Variants in LEPR observed in about 807,000 individuals in gnomAD.
The protein encoded by LEPR is leptin receptor.
In LEPR, 56 loss-of-function variants were observed where a neutral mutation model predicts 114.7. The ratio of observed to expected loss-of-function variants is 0.49; its 90% CI spans 0.39 to 0.61. LEPR has a LOEUF of 0.61. Ranked by LOEUF, LEPR falls within the 20% of genes least tolerant of loss-of-function variation. The pLI, the probability that LEPR is intolerant of heterozygous loss-of-function variation, is 0.00. For synonymous variants in LEPR, 443 were observed against 461.4 expected (o/e 0.96, Z 0.51); for missense variants, 1,202 against 1,352.9 (o/e 0.89, Z 1.75).
At chr1:65,572,253 T>C in intron 4 of LEPR, 73 bp from the exon 5 acceptor site, 1 of 1,450,988 alleles carries the variant, frequency 6.9e-7, no homozygotes, top group Non-Finnish European at 9.1e-7. Flanking sequence ...TCTCTTTCAC[T>C]GAGTTGTTCA....
chr1:65,569,788 T>C (rs960996621), intron 3 of LEPR, among the ~76,000 whole-genome samples: 2 of 151,910 alleles, frequency 1.3e-5, no homozygotes, highest in African/African-American at 2.4e-5. Flanking sequence ...TAATTGTTCT[T>C]AATTTTTATA....
At chr1:65,614,860 C>T (rs142703646) in intron 14 of LEPR, among the ~76,000 whole-genome samples, 2 of 152,168 alleles carry the variant, frequency 1.3e-5, no homozygotes, top group Admixed American at 6.5e-5. Context: ...TAATTACCAT[C>T]GTTCAATAAT....
At chr1:65,432,166 C>T in intron 2 of LEPR, 2 of 1,144,148 alleles carry the variant, frequency 1.7e-6, no homozygotes, top group Middle Eastern at 3.8e-4. Flanking sequence ...AGTCACGGTG[C>T]TCTCAGAAAA....
chr1:65,457,952 A>G (rs1646898224), intron 2 of LEPR, among the ~76,000 whole-genome samples: 1 of 152,160 alleles, frequency 6.6e-6, no homozygotes, highest in South Asian at 2.1e-4. Context: ...TTTCCCTTTT[A>G]TGCATCTTGA....
chr1:65,548,696 G>T (rs144651674), intron 2 of LEPR, among the ~76,000 whole-genome samples: 1 of 151,974 alleles, frequency 6.6e-6, no homozygotes, highest in African/African-American at 2.4e-5. Flanking sequence ...TTGAGCCTAT[G>T]TGTGTCTCTG....
At chr1:65,620,260 G>A (rs1657792999) in intron 17 of LEPR, among the ~76,000 whole-genome samples, 1 of 151,832 alleles carries the variant, frequency 6.6e-6, no homozygotes, top group Non-Finnish European at 1.5e-5. Context: ...TACTGTACTT[G>A]GAATACCAAC....
chr1:65,478,464 C>T (rs1481312413), intron 2 of LEPR, among the ~76,000 whole-genome samples: 2 of 152,102 alleles, frequency 1.3e-5, no homozygotes, highest in Non-Finnish European at 2.9e-5. Flanking sequence ...TTGTGTGGAC[C>T]TCTGCTTCAG....
intron 5 of LEPR, among the ~76,000 whole-genome samples, chr1:65,582,560 A>G (rs1476631588): frequency 2.0e-5 from 3 of 152,034 alleles, no homozygotes. Context: ...CTTGCTTTTT[A>G]TTTTCACTGA....
At chr1:65,452,736 TTC>T (rs1257103944) in intron 2 of LEPR, among the ~76,000 whole-genome samples, 1 of 151,710 alleles carries the variant, frequency 6.6e-6, no homozygotes, top group African/African-American at 2.4e-5. Context: ...TGGTCTAAAA[TTC>T]TCTTTTTTTG....
rs116785105 is a variant in LEPR at position 65,574,823 on chromosome 1, G to T, written c.494+2374G>T. ...AGTGAGTAGTCAACGGTCAGATATA[G>T]CAGGAAGATATAATAAGGTCTGAAT... On this transcript the variant is annotated intron_variant, in intron 5 of 19. Coordinates refer to ENST00000349533, the MANE Select transcript of LEPR (RefSeq NM_002303.6). Among the ~76,000 whole-genome samples the T allele has an allele frequency of 4.2e-3, 645 of 152,328 alleles. 9 individuals are homozygous for T. Among genetic ancestry groups the T allele is most frequent in the African/African-American group, 0.015 (622 of 41,568 alleles).
At chr1:65,608,024 C>T (rs912994519) in intron 11 of LEPR, among the ~76,000 whole-genome samples, 1 of 152,044 alleles carries the variant, frequency 6.6e-6, no homozygotes. Flanking sequence ...GCCTGTTTTC[C>T]TCAGATTATA....
At position 65,420,711 on chromosome 1, in the gene LEPR, C is replaced by T. The variant is rs760171463; in HGVS notation, c.-126C>T. 4 of 1,581,176 alleles carry T rather than the reference C, an allele frequency of 2.5e-6. No homozygotes were observed. Among genetic ancestry groups the T allele is most frequent in the South Asian group, 1.2e-5 (1 of 86,302 alleles). ...CAGGAAGCCGGAAGCAGCCGCGGCC[C>T]CAGTTCGGGAGACATGGCGGGCGTT... On this transcript the variant is annotated 5_prime_UTR_variant, in exon 1 of 20. Coordinates refer to ENST00000349533, the MANE Select transcript of LEPR (RefSeq NM_002303.6).
At chr1:65,432,056 A>G (rs760500972) in intron 2 of LEPR, 30 of 1,363,858 alleles carry the variant, frequency 2.2e-5, no homozygotes, top group Non-Finnish European at 2.6e-5. Flanking sequence ...CACTTTAAGA[A>G]AGACTTCATA....
intron 2 of LEPR, chr1:65,434,355 T>A: frequency 1.0e-6 from 1 of 985,348 alleles, no homozygotes; most frequent in Non-Finnish European, 1.2e-6. Context: ...ATTTGGAGAT[T>A]CAGAGCATAG....
At chr1:65,597,726 T>G (rs1656163735) in intron 7 of LEPR, among the ~76,000 whole-genome samples, 1 of 152,110 alleles carries the variant, frequency 6.6e-6, no homozygotes, top group Non-Finnish European at 1.5e-5. Flanking sequence ...GAAACTAAGT[T>G]TCATATAATT....
At chr1:65,433,435 A>G in intron 2 of LEPR, 1 of 985,442 alleles carries the variant, frequency 1.0e-6, no homozygotes, top group Non-Finnish European at 1.2e-6. Context: ...CTATTGAGAA[A>G]GGGAAATATG....
chr1:65,525,486 C>G (rs1649876300), intron 2 of LEPR: 1 of 292,784 alleles, frequency 3.4e-6, no homozygotes, highest in East Asian at 1.7e-4. Context: ...GCGGCATTCC[C>G]CGCCGCCGCC....
chr1:65,526,043 C>G (rs1649936388), intron 2 of LEPR: 1 of 909,244 alleles, frequency 1.1e-6, no homozygotes, highest in Non-Finnish European at 1.3e-6. Flanking sequence ...TCCCGTGGGG[C>G]GAGGAAGATC....
intron 2 of LEPR, chr1:65,428,133 G>A (rs1461699294): frequency 6.6e-6 from 1 of 151,934 alleles, no homozygotes; most frequent in East Asian, 1.9e-4. Flanking sequence ...TTTACTCTTT[G>A]GCCCTTTATA....
Sources: allele counts gnomAD v4.1 joint callset (sites outside exome capture counted in the v4.1 genomes callset), GRCh38; gene constraint gnomAD v4.1.1; transcripts MANE v1.5; gene names NCBI Gene and HGNC (gene_info 2026-07-23, HGNC 2026-07-21).